Variants in RHEB observed in about 807,000 individuals in gnomAD.
RHEB encodes GTP-binding protein Rheb.
A neutral mutation model predicts 28.8 loss-of-function variants in RHEB; 2 were observed. The ratio of observed to expected loss-of-function variants is 0.07; its 90% CI spans 0.03 to 0.22. RHEB has a LOEUF of 0.22. RHEB is among the 10% of genes least tolerant of loss of function. The pLI is 1.00. For missense variants in RHEB, 76 were observed against 219.9 expected (o/e 0.35, Z 4.14); for synonymous variants, 69 against 77.3 (o/e 0.89, Z 0.56).
intron 1 of RHEB, among the ~76,000 whole-genome samples, chr7:151,509,651 C>A (rs148653337): frequency 1.2e-3 from 185 of 152,296 alleles, no homozygotes; most frequent in African/African-American, 4.4e-3. Context: ...AGGATGGAAG[C>A]CAGGATCAGC....
intron 1 of RHEB, among the ~76,000 whole-genome samples, chr7:151,496,251 C>A (rs1385223688): frequency 1.3e-5 from 2 of 152,198 alleles, no homozygotes; most frequent in African/African-American, 4.8e-5. Context: ...CAACCCACCT[C>A]CTGAGCACAC....
intron 1 of RHEB, chr7:151,517,860 T>C (rs1803109260): frequency 6.6e-6 from 1 of 152,212 alleles, no homozygotes; most frequent in Non-Finnish European, 1.5e-5. Flanking sequence ...CAGGGACTAC[T>C]ATTTCCAAAT....
At chr7:151,510,469 T>C (rs1161553217) in intron 1 of RHEB, among the ~76,000 whole-genome samples, 1 of 152,208 alleles carries the variant, frequency 6.6e-6, no homozygotes, top group Non-Finnish European at 1.5e-5. Flanking sequence ...AGGCTATTAA[T>C]ACATGTGCAT....
chr7:151,475,087 T>C (rs1412289676), intron 4 of RHEB, among the ~76,000 whole-genome samples: 1 of 152,246 alleles, frequency 6.6e-6, no homozygotes, highest in African/African-American at 2.4e-5. Context: ...GAAGACACAG[T>C]ACCAAGCTTT....
intron 4 of RHEB, among the ~76,000 whole-genome samples, chr7:151,476,720 A>C (rs2150922663): frequency 6.6e-6 from 1 of 152,348 alleles, no homozygotes; most frequent in East Asian, 1.9e-4. Context: ...AAGTCTTCAA[A>C]CATAAGCTGT....
chr7:151,506,630 C>T (rs1218049295), intron 1 of RHEB, among the ~76,000 whole-genome samples: 2 of 152,148 alleles, frequency 1.3e-5, no homozygotes, highest in Non-Finnish European at 2.9e-5. Context: ...GGAATTATAT[C>T]TAATAAATTA....
At chr7:151,486,838 C>A (rs1802484294) in intron 2 of RHEB, among the ~76,000 whole-genome samples, 1 of 152,104 alleles carries the variant, frequency 6.6e-6, no homozygotes, top group African/African-American at 2.4e-5. Context: ...TTCTGATTGA[C>A]TGGAAGTGGG....
chr7:151,519,414 G>A, intron 1 of RHEB, 46 bp downstream of exon 1: 4 of 1,341,856 alleles, frequency 3.0e-6, no homozygotes, highest in East Asian at 6.5e-5. Context: ...GCTCCCAGGC[G>A]AGGCCCCGGC....
chr7:151,502,916 G>C, intron 1 of RHEB: 1 of 798,594 alleles, frequency 1.3e-6, no homozygotes. Context: ...TTTAAAATTA[G>C]TTGATATATC....
chr7:151,516,896 C>A (rs1184789554), intron 1 of RHEB, among the ~76,000 whole-genome samples: 2 of 152,164 alleles, frequency 1.3e-5, no homozygotes, highest in Non-Finnish European at 2.9e-5. Context: ...TCAAATTTCT[C>A]TGGTACAGCA....
chr7:151,496,752 A>T (rs1802679812), intron 1 of RHEB, among the ~76,000 whole-genome samples: 2 of 151,972 alleles, frequency 1.3e-5, no homozygotes, highest in Non-Finnish European at 2.9e-5. Context: ...AGGGCCCTTC[A>T]ACAAACCTCT....
At chr7:151,503,256 T>C in intron 1 of RHEB, 1 of 783,608 alleles carries the variant, frequency 1.3e-6, no homozygotes, top group Non-Finnish European at 2.4e-6. Context: ...AACATGAGCT[T>C]ATCGAGAGCA....
At chr7:151,506,174 AG>A (rs1481829309) in intron 1 of RHEB, among the ~76,000 whole-genome samples, 10 of 152,252 alleles carry the variant, frequency 6.6e-5, no homozygotes, top group African/African-American at 2.2e-4. Flanking sequence ...TTTTTTTAAA[AG>A]ATAATGCATT....
intron 2 of RHEB, among the ~76,000 whole-genome samples, chr7:151,486,674 A>C (rs1802481139): frequency 6.6e-6 from 1 of 152,232 alleles, no homozygotes. Flanking sequence ...CTACGCTGTA[A>C]GTAACAAAAA....
intron 1 of RHEB, chr7:151,519,078 C>T (rs969534586): frequency 6.6e-6 from 1 of 152,636 alleles, no homozygotes; most frequent in African/African-American, 2.4e-5. Flanking sequence ...CACGCGCGCC[C>T]GCGGCGAAGG....
chr7:151,502,290 C>CACTGATCA, intron 1 of RHEB: 1 of 702,780 alleles, frequency 1.4e-6, no homozygotes, highest in South Asian at 1.6e-5. Context: ...AGCATGATAT[C>CACTGATCA]ACTGATCATT....
chr7:151,469,757 A>C (rs1283593145), intron 7 of RHEB, among the ~76,000 whole-genome samples: 2 of 152,206 alleles, frequency 1.3e-5, no homozygotes, highest in Non-Finnish European at 2.9e-5. Context: ...GGAAGGGAGC[A>C]GTTTGATGTG....
At chr7:151,484,898 C>T (rs1351292311) in intron 2 of RHEB, 94 bp from the exon 3 acceptor site, 5 of 770,308 alleles carry the variant, frequency 6.5e-6, no homozygotes, top group Non-Finnish European at 1.1e-5. Context: ...GCACAGAGTC[C>T]CTAGCAGTCT....
At chr7:151,494,002 T>C (rs933139044) in intron 1 of RHEB, among the ~76,000 whole-genome samples, 4 of 152,160 alleles carry the variant, frequency 2.6e-5, no homozygotes, top group Admixed American at 2.0e-4. Context: ...GCAAGGTACT[T>C]CTAAGGACTC....
Sources: gnomAD v4.1 joint callset for allele counts (sites outside exome capture counted in the v4.1 genomes callset) on GRCh38, gnomAD v4.1.1 for gene constraint, MANE v1.5 for transcripts, NCBI Gene and HGNC (gene_info 2026-07-23, HGNC 2026-07-21) for gene names.